Variants in TNIP1 observed in about 807,000 individuals in gnomAD.
The protein encoded by TNIP1 is TNFAIP3 interacting protein 1.
In TNIP1, 22 loss-of-function variants were observed where a neutral mutation model predicts 86.6. The observed-to-expected ratio is 0.25, with a 90% CI of 0.18 to 0.36. The LOEUF is 0.36. Ranked by LOEUF, TNIP1 falls within the 10% of genes least tolerant of loss-of-function variation. The pLI is 1.00. For synonymous variants in TNIP1, 294 were observed against 313.0 expected (o/e 0.94, Z 0.64); for missense variants, 709 against 820.6 (o/e 0.86, Z 1.66).
intron 1 of TNIP1, among the ~76,000 whole-genome samples, chr5:151,077,821 G>A (rs928083644): frequency 3.3e-5 from 5 of 152,192 alleles, no homozygotes; most frequent in Non-Finnish European, 7.3e-5. Context: ...TGCTGCTAAG[G>A]AGAAAAATCA....
intron 1 of TNIP1, among the ~76,000 whole-genome samples, chr5:151,071,522 T>G (rs539677161): frequency 1.3e-5 from 2 of 152,268 alleles, no homozygotes; most frequent in South Asian, 4.1e-4. Flanking sequence ...CTACTTTCTT[T>G]AACCTTCTAA....
intron 6 of TNIP1, among the ~76,000 whole-genome samples, chr5:151,054,742 GA>G (rs1760423374): frequency 1.3e-5 from 2 of 152,362 alleles, no homozygotes; most frequent in South Asian, 4.1e-4. Context: ...ATGCCTAGCA[GA>G]GAGCCTTATG....
chr5:151,053,802 C>A (rs1177716353), intron 6 of TNIP1, among the ~76,000 whole-genome samples: 2 of 152,220 alleles, frequency 1.3e-5, no homozygotes, highest in African/African-American at 4.8e-5. Flanking sequence ...TAAAATGATA[C>A]AGTCTAACAG....
chr5:151,047,425 A>G (rs1759319319), intron 8 of TNIP1, among the ~76,000 whole-genome samples: 1 of 152,230 alleles, frequency 6.6e-6, no homozygotes, highest in African/African-American at 2.4e-5. Flanking sequence ...GTCACAGACT[A>G]GAGGAAAATG....
At chr5:151,047,867 A>T (rs1759381659) in intron 8 of TNIP1, among the ~76,000 whole-genome samples, 1 of 152,094 alleles carries the variant, frequency 6.6e-6, no homozygotes, top group African/African-American at 2.4e-5. Flanking sequence ...GAAGGTCTGC[A>T]GGCCCCATCC....
chr5:151,073,440 C>T (rs1487139493), intron 1 of TNIP1, among the ~76,000 whole-genome samples: 1 of 152,114 alleles, frequency 6.6e-6, no homozygotes, highest in Admixed American at 6.5e-5. Flanking sequence ...AAACAAACCA[C>T]CATTCATTCG....
intron 17 of TNIP1, 116 bp downstream of exon 17, chr5:151,032,171 G>T: frequency 1.2e-6 from 1 of 834,286 alleles, no homozygotes; most frequent in Non-Finnish European, 1.9e-6. Context: ...TGGAAAGCTG[G>T]GCCTCTCCTC....
chr5:151,042,563 T>C lies in TNIP1; in HGVS notation c.1111A>G (p.Lys371Glu), dbSNP rs1758568530. The change falls in exon 11 of 18, where the codon AAG (lysine) becomes GAG (glutamate). Residue 371 changes from lysine to glutamate, a missense_variant. Lys to Glu is a moderately conservative substitution (Grantham distance 56, BLOSUM62 1). Coordinates refer to ENST00000521591, the MANE Select transcript of TNIP1 (RefSeq NM_006058.5). ...GCCTCCTCCATTTCAATCTTGGACTTGGCCAGGAGGAGCTTGCGGTCAAAG... is the reference window on the plus strand; with the variant it reads ...GCCTCCTCCATTTCAATCTTGGACTCGGCCAGGAGGAGCTTGCGGTCAAAG... ...RDFDRKLLLAKSKIEMEETDK... is the reference protein window; with the variant it reads ...RDFDRKLLLAESKIEMEETDK... The C allele has an allele frequency of 4.3e-6, 7 of 1,613,530 alleles. No homozygotes were observed. The highest frequency in any genetic ancestry group is 5.9e-6 in the Non-Finnish European group (7 of 1,180,032).
At position 151,059,826 on chromosome 5, in the gene TNIP1, A is replaced by AGTGTGT. The variant is rs1561513075; in HGVS notation, c.435+491_435+492insACACAC. Among the ~76,000 whole-genome samples, 14 of 72,196 alleles carry AGTGTGT rather than the reference A, an allele frequency of 1.9e-4. No homozygotes were observed. In the East Asian group the frequency reaches 2.6e-3, roughly 13 times the overall value. 47.4% of individuals were successfully genotyped at this position (72,196 alleles called of 152,430 possible). A position where few individuals can be genotyped will look rare whatever the true frequency, so the allele number is the denominator to read the frequency against. ...GAGAGAGAGAGAGAGAGAGAGAGAG[A>AGTGTGT]GAGTGTGTGTGTGTGTGTGTGTGTG... is the stretch of plus-strand genomic sequence containing the variant. On this transcript the variant is annotated intron_variant, in intron 5 of 17. Transcript: ENST00000521591.
chr5:151,039,036 G>T (rs1023978250), intron 12 of TNIP1, 61 bp downstream of exon 12: 30 of 1,571,502 alleles, frequency 1.9e-5, no homozygotes, highest in Admixed American at 1.1e-4. Context: ...CCAGTGATGG[G>T]GTGGGCATTG....
In TNIP1 at chr5:151,065,100, G is replaced by T. The variant is rs780238938; in HGVS notation, c.-5C>A. 3.7e-6 allele frequency: 6 copies of T among 1,612,234 alleles called. No individual in the cohort carries two copies. Among genetic ancestry groups the T allele is most frequent in the Non-Finnish European group, 5.1e-6 (6 of 1,179,462 alleles). Reference sequence around the variant, plus strand: ...GTACGGTCCTCTCCCTTCCATGAGGGTAGCTCAGCCCCTGCCGTGGTGCCC... The same window carrying T: ...GTACGGTCCTCTCCCTTCCATGAGGTTAGCTCAGCCCCTGCCGTGGTGCCC... On this transcript the variant is annotated 5_prime_UTR_variant, in exon 2 of 18. Coordinates refer to ENST00000521591, the MANE Select transcript of TNIP1 (RefSeq NM_006058.5).
rs534853798 is a variant in TNIP1, at chr5:151,060,837, C to T, written c.358-442G>A. On this transcript the variant is annotated intron_variant, in intron 4 of 17. Coordinates refer to ENST00000521591, the MANE Select transcript of TNIP1 (RefSeq NM_006058.5). ...AAAGCAGGGATTGAACCCAAGACTG[C>T]AGATCCAGCATTCCTGCCACGGCCC... Among the ~76,000 whole-genome samples the T allele has an allele frequency of 7.2e-5, 11 of 152,388 alleles. No individual in the cohort carries two copies. The South Asian group carries it at 2.3e-3, about 32-fold the overall frequency.
At chr5:151,068,660 C>T (rs752121455) in intron 1 of TNIP1, among the ~76,000 whole-genome samples, 1 of 152,212 alleles carries the variant, frequency 6.6e-6, no homozygotes, top group Non-Finnish European at 1.5e-5. Context: ...CAAGGCAAGG[C>T]CCTGAGCAGG....
chr5:151,052,662 A>G (rs1198523562), intron 6 of TNIP1, among the ~76,000 whole-genome samples: 1 of 152,200 alleles, frequency 6.6e-6, no homozygotes, highest in Non-Finnish European at 1.5e-5. Flanking sequence ...ATCCAGCTAC[A>G]TTAGGCTAAC....
chr5:151,065,175 G>A (rs922762859), intron 1 of TNIP1, 44 bp from the exon 2 acceptor site: 58 of 1,535,172 alleles, frequency 3.8e-5, no homozygotes, highest in Middle Eastern at 2.3e-4. Flanking sequence ...GCCAGGCCAT[G>A]GGGGCATCCT....
chr5:151,086,644 C>T (rs144946557), intron 1 of TNIP1, among the ~76,000 whole-genome samples: 9 of 152,318 alleles, frequency 5.9e-5, no homozygotes, highest in Non-Finnish European at 1.0e-4. Flanking sequence ...GACACATACA[C>T]GCTTCAGGGA....
chr5:151,072,447 T>G (rs1341031333), intron 1 of TNIP1, among the ~76,000 whole-genome samples: 2 of 152,202 alleles, frequency 1.3e-5, no homozygotes, highest in Non-Finnish European at 2.9e-5. Context: ...TGGCCAACTT[T>G]AGCAATCCAG....
chr5:151,049,752 C>A, intron 8 of TNIP1, 72 bp downstream of exon 8: 1 of 1,574,146 alleles, frequency 6.4e-7, no homozygotes, highest in South Asian at 1.1e-5. Flanking sequence ...GGCTCACTGT[C>A]ACTGGAGGTG....
At chr5:151,085,214 A>G (rs1053744697), upstream of TNIP1, among the ~76,000 whole-genome samples, 4 of 152,134 alleles carry the variant, frequency 2.6e-5, no homozygotes, top group East Asian at 7.7e-4. Context: ...GCCACTTACA[A>G]CTCTGTGCCT....
Sources: gnomAD v4.1 joint callset for allele counts (sites outside exome capture counted in the v4.1 genomes callset) on GRCh38, gnomAD v4.1.1 for gene constraint, MANE v1.5 for transcripts, NCBI Gene and HGNC (gene_info 2026-07-23, HGNC 2026-07-21) for gene names.